RIOX2: variants seen among roughly 807,000 people sequenced by gnomAD.
RIOX2 encodes the protein 60S ribosomal protein L27a histidine hydroxylase.
A neutral mutation model predicts 51.2 loss-of-function variants in RIOX2; 43 were observed. That is an observed-to-expected ratio of 0.84 (90% CI 0.66 to 1.08). The LOEUF (loss-of-function observed/expected upper bound fraction) is 1.08, where lower values mean the gene tolerates loss of function less well. Among genes scored for constraint, RIOX2 ranks in the 50% least tolerant of loss-of-function variants. The pLI is 0.00. For synonymous variants in RIOX2, 226 were observed against 218.5 expected (o/e 1.03, Z -0.30); for missense variants, 566 against 561.7 (o/e 1.01, Z -0.08).
At chr3:97,964,709 AAAAAAAAAAAAAG>A (rs1300087350) in intron 2 of RIOX2, among the ~76,000 whole-genome samples, 1 of 147,184 alleles carries the variant, frequency 6.8e-6, no homozygotes, top group Non-Finnish European at 1.5e-5. Context: ...AAAAAAAAAA[AAAAAAAAAAAAAG>A]AAGGAAAGAA....
At chr3:97,949,040 A>G (rs1705124330) in intron 7 of RIOX2, among the ~76,000 whole-genome samples, 1 of 152,114 alleles carries the variant, frequency 6.6e-6, no homozygotes, top group Non-Finnish European at 1.5e-5. Context: ...CATTTCTTGA[A>G]TCTCACTGGC....
rs1357989047 is a variant in RIOX2, at chr3:97,961,670, G to A, written c.471C>T (p.Tyr157=). Residue 157 remains tyrosine (Y), a synonymous_variant, in exon 3 of 10, where the codon TAC becomes TAT. Coordinates refer to ENST00000394198, the MANE Select transcript of RIOX2 (RefSeq NM_153182.4). ...CATTCGAGCCAACCAAGGAGCCAAA[G>A]TAACATTCCAGCTTCTCCTGGATCC... is the stretch of plus-strand genomic sequence containing the variant. ...LWRIQEKLEC[Y]FGSLVGSNVY... is the part of the protein sequence containing the mutation. 1.2e-6 allele frequency: 2 copies of A among 1,612,038 alleles called. No individual in the cohort carries two copies. Among genetic ancestry groups the A allele is most frequent in the Non-Finnish European group, 1.7e-6 (2 of 1,179,474 alleles).
chr3:97,971,548 G>A (rs1706131884), intron 1 of RIOX2: 1 of 152,194 alleles, frequency 6.6e-6, no homozygotes, highest in East Asian at 1.9e-4. Flanking sequence ...GTGATCAGCA[G>A]TTATCTTTTT....
chr3:97,945,033 G>T lies in RIOX2; in HGVS notation c.*151C>A. ...CTTTCATGTGCCCGTTAGTACATTT[G>T]GCCAACTGACCACCTGTAACAGGGA... On this transcript the variant is annotated 3_prime_UTR_variant, in exon 10 of 10. Transcript: ENST00000394198. 1.7e-6 allele frequency: 1 copy of T among 571,534 alleles called. No individual in the cohort carries two copies. The highest frequency in any genetic ancestry group is 2.9e-6 in the Non-Finnish European group (1 of 340,172). 35.4% of individuals were successfully genotyped at this position (571,534 alleles called of 1,614,324 possible).
At chr3:97,963,686 T>A (rs962788269) in intron 2 of RIOX2, among the ~76,000 whole-genome samples, 6 of 152,144 alleles carry the variant, frequency 3.9e-5, no homozygotes, top group Non-Finnish European at 8.8e-5. Context: ...CAGGACTGTA[T>A]AGGTGATTTT....
Position 97,959,073 on chromosome 3 carries a change from G to T in RIOX2, c.659C>A (p.Pro220Gln). Residue 220 changes from proline to glutamine, a missense_variant, in exon 4 of 10, where the codon CCG (proline) becomes CAG (glutamine). By Grantham distance (76) the Pro-to-Gln change is moderately conservative. Transcript: ENST00000394198. The stretch of plus-strand genomic sequence containing the variant: ...TACCTTCAGCATAAACTCATGCACC[G>T]GCCTGCCGATCCTTTCCTCGGCCTC... The part of the protein sequence containing the change: ...SVEAEERIGR[P>Q]VHEFMLKPGD... The T allele has an allele frequency of 1.9e-6, 3 of 1,613,212 alleles. No individual in the cohort carries two copies. Among genetic ancestry groups the T allele is most frequent in the Non-Finnish European group, 2.5e-6 (3 of 1,179,556 alleles).
At position 97,942,658 on chromosome 3, in the gene RIOX2, T is replaced by A; in HGVS notation, c.*2526A>T. ...TTAGGGTTTTTGTTCATTAGTACAG[T>A]TGTAAAACTTTCATTTGCTACGTGA... is the stretch of plus-strand genomic sequence containing the variant. On this transcript the variant is annotated 3_prime_UTR_variant, in exon 10 of 10. Coordinates refer to ENST00000394198, the MANE Select transcript of RIOX2 (RefSeq NM_153182.4). 1 of 428,176 alleles carries A rather than the reference T, an allele frequency of 2.3e-6. No individual in the cohort carries two copies. The highest frequency in any genetic ancestry group is 4.1e-6 in the Non-Finnish European group (1 of 243,452). The allele number at this position is 428,176 out of a possible 1,614,324, so 26.5% of individuals were successfully genotyped here.
intron 1 of RIOX2, among the ~76,000 whole-genome samples, chr3:97,971,315 C>G (rs1018607637): frequency 6.6e-6 from 1 of 152,228 alleles, no homozygotes; most frequent in Non-Finnish European, 1.5e-5. Flanking sequence ...CTTCTGATGG[C>G]TGAGGCCCAT....
intron 1 of RIOX2, among the ~76,000 whole-genome samples, chr3:97,967,987 A>G (rs1705958535): frequency 6.6e-6 from 1 of 152,222 alleles, no homozygotes; most frequent in African/African-American, 2.4e-5. Flanking sequence ...GGCCACTGAC[A>G]CAGCAAAGTC....
At chr3:97,957,927 G>A (rs1705513731) in intron 4 of RIOX2, among the ~76,000 whole-genome samples, 1 of 152,160 alleles carries the variant, frequency 6.6e-6, no homozygotes, top group Admixed American at 6.5e-5. Context: ...ATGAACACAG[G>A]ACATTAAGGA....
intron 1 of RIOX2, among the ~76,000 whole-genome samples, chr3:97,968,479 G>C (rs945150132): frequency 6.6e-6 from 1 of 152,156 alleles, no homozygotes; most frequent in African/African-American, 2.4e-5. Flanking sequence ...ATAAAATGCA[G>C]GATATGATCC....
chr3:97,962,437 T>C (rs1280534469), intron 2 of RIOX2, among the ~76,000 whole-genome samples: 2 of 134,094 alleles, frequency 1.5e-5, no homozygotes, highest in Non-Finnish European at 3.1e-5. Flanking sequence ...AGATTTACAC[T>C]TGGGAATTGC....
intron 1 of RIOX2, among the ~76,000 whole-genome samples, chr3:97,968,406 C>T (rs941382921): frequency 2.6e-5 from 4 of 152,214 alleles, no homozygotes; most frequent in Admixed American, 6.5e-5. Flanking sequence ...ATACCAATAT[C>T]ATTAGCCCCT....
rs752038251 is a variant in RIOX2 at position 97,950,848 on chromosome 3, C to G, written c.826G>C (p.Val276Leu). 1 of 1,613,754 alleles carries G rather than the reference C, an allele frequency of 6.2e-7. No individual in the cohort carries two copies. The highest frequency in any genetic ancestry group is 1.7e-5 in the Admixed American group (1 of 60,004). The change falls in exon 6 of 10, where the codon GTA (valine) becomes CTA (leucine). Residue 276 changes from valine to leucine, a missense_variant. Physicochemically the swap from Val to Leu is conservative, Grantham distance 32 (BLOSUM62 1). Transcript: ENST00000394198. ...DFLLDTISGL[V>L]FDTAKEDVEL... ...ACGTCTTCCTTTGCAGTATCAAATA[C>G]AAGCCCCGAGATGGTATCCAAAAGG...
In RIOX2 at chr3:97,949,919, C is replaced by T. The variant is rs1161176594; in HGVS notation, c.985G>A (p.Asp329Asn). The T allele has an allele frequency of 4.3e-6, 7 of 1,613,848 alleles. No homozygotes were observed. The highest frequency in any genetic ancestry group is 5.1e-6 in the Non-Finnish European group (6 of 1,179,954). ...TGCATAATAAAATCCTTCTTCATGT[C>T]TGAGGAAAGCAGTTCTTTGGTGCCC... is the stretch of plus-strand genomic sequence containing the variant. ...LEGTKELLSS[D>N]MKKDFIMHRL... The change falls in exon 7 of 10, where the codon GAC (aspartate) becomes AAC (asparagine). Residue 329 changes from aspartate to asparagine, a missense_variant. Physicochemically the swap from Asp to Asn is conservative, Grantham distance 23 (BLOSUM62 1). Coordinates refer to ENST00000394198, the MANE Select transcript of RIOX2 (RefSeq NM_153182.4).
intron 3 of RIOX2, among the ~76,000 whole-genome samples, chr3:97,960,120 T>C (rs1033156577): frequency 2.0e-5 from 3 of 152,202 alleles, no homozygotes; most frequent in African/African-American, 7.2e-5. Context: ...GTGCAACAAC[T>C]TAAGCCGTGA....
At chr3:97,955,755 G>A (rs1705427872) in intron 4 of RIOX2, among the ~76,000 whole-genome samples, 1 of 152,052 alleles carries the variant, frequency 6.6e-6, no homozygotes, top group African/African-American at 2.4e-5. Context: ...TGAGAAAAGT[G>A]GTATGTCACT....
rs190625514 is a variant in RIOX2, at chr3:97,953,419, C to T, written c.785+973G>A. ...TTCCTGAGACAGGGTCTCGCTCTGT[C>T]GCCCAGGCTGGAGTGCAGTGGCGTG... On this transcript the variant is annotated intron_variant, in intron 5 of 9. Transcript: ENST00000394198. Among the ~76,000 whole-genome samples the T allele has an allele frequency of 1.1e-3, 160 of 151,706 alleles. 3 individuals carry two copies. In the East Asian group the frequency reaches 0.027, roughly 25 times the overall value.
In RIOX2 at chr3:97,942,897, G is replaced by GTTTTGTTGGTGTAGAAA. The variant is rs1288215579; in HGVS notation, c.*2270_*2286dup. 2 of 266,140 alleles carry GTTTTGTTGGTGTAGAAA rather than the reference G, an allele frequency of 7.5e-6. No homozygotes were observed. Among genetic ancestry groups the GTTTTGTTGGTGTAGAAA allele is most frequent in the Non-Finnish European group, 1.4e-5 (2 of 144,658 alleles). The allele number at this position is 266,140 out of a possible 1,614,324, so 16.5% of individuals were successfully genotyped here. A position where few individuals can be genotyped will look rare whatever the true frequency, so the allele number is the denominator to read the frequency against. ...TGTTGCTTTAATTGGGTTAGTCACAGTTTTGTTGGTGTAGAAACAAAAACA... is the reference window on the plus strand; with the variant it reads ...TGTTGCTTTAATTGGGTTAGTCACAGTTTTGTTGGTGTAGAAATTTTGTTGGTGTAGAAACAAAAACA... On this transcript the variant is annotated 3_prime_UTR_variant, in exon 10 of 10. Transcript: ENST00000394198.
Sources: gnomAD v4.1 joint callset for allele counts (sites outside exome capture counted in the v4.1 genomes callset) on GRCh38, gnomAD v4.1.1 for gene constraint, MANE v1.5 for transcripts, NCBI Gene and HGNC (gene_info 2026-07-23, HGNC 2026-07-21) for gene names.